Variants in ELAVL2 observed in about 807,000 individuals in gnomAD.
ELAVL2 encodes ELAV-like protein 2.
Under a neutral mutation model 34.6 loss-of-function variants are expected in ELAVL2, and 4 were observed. That is an observed-to-expected ratio of 0.12 (90% CI 0.06 to 0.26). The LOEUF is 0.26. ELAVL2 is among the 10% of genes least tolerant of loss of function. The pLI, the probability that ELAVL2 is intolerant of heterozygous loss-of-function variation, is 1.00. For synonymous variants in ELAVL2, 193 were observed against 154.8 expected (o/e 1.25, Z -1.83); for missense variants, 432 against 442.8 (o/e 0.98, Z 0.22).
the ELAVL2 span, among the ~76,000 whole-genome samples, chr9:23,839,997 T>C: frequency 6.6e-6 from 1 of 152,128 alleles, no homozygotes; most frequent in East Asian, 1.9e-4. Flanking sequence ...ACATTTTCAA[T>C]CTGTATATTA....
the ELAVL2 span, chr9:23,847,150 T>C: frequency 6.6e-6 from 1 of 152,166 alleles, no homozygotes; most frequent in African/African-American, 2.4e-5. Context: ...AGATTTTAGA[T>C]TGTATATTTG....
intron 5 of ELAVL2, among the ~76,000 whole-genome samples, chr9:23,699,453 C>T (rs73468790): frequency 5.5e-4 from 83 of 152,234 alleles, no homozygotes; most frequent in African/African-American, 1.8e-3. Context: ...CCACTAACAG[C>T]AAACATTTTA....
chr9:23,762,945 T>C (rs574679135), intron 1 of ELAVL2, among the ~76,000 whole-genome samples: 5 of 152,202 alleles, frequency 3.3e-5, no homozygotes, highest in African/African-American at 7.2e-5. Context: ...TGGTAGAATC[T>C]AATAGGACAC....
chr9:23,837,646 A>G, the ELAVL2 span, among the ~76,000 whole-genome samples: 4 of 152,168 alleles, frequency 2.6e-5, no homozygotes, highest in African/African-American at 9.7e-5. Context: ...CTTAGCCACT[A>G]TTTATTGGAG....
intron 2 of ELAVL2, among the ~76,000 whole-genome samples, chr9:23,743,805 T>C (rs2049860635): frequency 2.0e-5 from 3 of 152,212 alleles, no homozygotes; most frequent in African/African-American, 7.2e-5. Flanking sequence ...TTTAATGTGA[T>C]GCTTTCTTTA....
At chr9:23,728,362 AG>A (rs1287742656) in intron 3 of ELAVL2, among the ~76,000 whole-genome samples, 1 of 152,122 alleles carries the variant, frequency 6.6e-6, no homozygotes, top group East Asian at 1.9e-4. Flanking sequence ...TGAGTGTGAA[AG>A]GGTATACCAA....
intron 3 of ELAVL2, among the ~76,000 whole-genome samples, chr9:23,706,583 A>T (rs1421271401): frequency 6.6e-6 from 1 of 152,186 alleles, no homozygotes; most frequent in African/African-American, 2.4e-5. Flanking sequence ...AATATTCTGG[A>T]CTAGCCTACT....
intron 1 of ELAVL2, among the ~76,000 whole-genome samples, chr9:23,774,196 T>G (rs1226264751): frequency 9.1e-6 from 1 of 109,358 alleles, no homozygotes; most frequent in African/African-American, 3.7e-5. Flanking sequence ...TGGGCAAAAG[T>G]GCGAGAGACT....
chr9:23,726,718 ATT>A (rs2045277111), intron 3 of ELAVL2, among the ~76,000 whole-genome samples: 1 of 152,134 alleles, frequency 6.6e-6, no homozygotes, highest in Non-Finnish European at 1.5e-5. Flanking sequence ...GAAATGAATG[ATT>A]TTAGTTTGCT....
At chr9:23,704,858 T>C in intron 4 of ELAVL2, 60 bp downstream of exon 4, 3 of 1,593,676 alleles carry the variant, frequency 1.9e-6, no homozygotes, top group Non-Finnish European at 2.6e-6. Flanking sequence ...AAAGACAGAA[T>C]ATTTCACAAT....
chr9:23,710,756 G>A (rs1019109000), intron 3 of ELAVL2, among the ~76,000 whole-genome samples: 10 of 152,066 alleles, frequency 6.6e-5, no homozygotes, highest in African/African-American at 2.4e-4. Context: ...AGTCTTCGTG[G>A]GACTATCTGA....
intron 2 of ELAVL2, among the ~76,000 whole-genome samples, chr9:23,736,485 A>AG (rs1345836923): frequency 6.6e-6 from 1 of 152,126 alleles, no homozygotes; most frequent in Non-Finnish European, 1.5e-5. Context: ...GAGAGTGGGG[A>AG]GGGGAGGAGC....
intron 1 of ELAVL2, among the ~76,000 whole-genome samples, chr9:23,788,780 C>G (rs1014971712): frequency 6.6e-6 from 1 of 152,140 alleles, no homozygotes; most frequent in Non-Finnish European, 1.5e-5. Flanking sequence ...AATCTTATAA[C>G]TGAGATGGCT....
intron 5 of ELAVL2, among the ~76,000 whole-genome samples, chr9:23,700,709 G>A (rs2036884757): frequency 1.3e-5 from 2 of 152,262 alleles, no homozygotes; most frequent in South Asian, 4.1e-4. Flanking sequence ...ACTGTACAGA[G>A]AAAGTCTGCC....
At chr9:23,742,312 CA>C (rs927431075) in intron 2 of ELAVL2, among the ~76,000 whole-genome samples, 4 of 152,278 alleles carry the variant, frequency 2.6e-5, no homozygotes, top group Admixed American at 6.5e-5. Flanking sequence ...TATGAGTGGA[CA>C]AAGTGTTAAT....
At chr9:23,780,650 C>T (rs1189759891) in intron 1 of ELAVL2, among the ~76,000 whole-genome samples, 4 of 152,128 alleles carry the variant, frequency 2.6e-5, no homozygotes, top group Non-Finnish European at 5.9e-5. Flanking sequence ...TTGGTCTAAA[C>T]TCAAATCAAA....
intron 1 of ELAVL2, among the ~76,000 whole-genome samples, chr9:23,781,785 C>G (rs574628315): frequency 6.5e-4 from 99 of 152,194 alleles, no homozygotes; most frequent in African/African-American, 2.4e-3. Flanking sequence ...ACTCTGCCTC[C>G]CGGGTTCACA....
intron 1 of ELAVL2, among the ~76,000 whole-genome samples, chr9:23,778,100 G>C (rs1164841582): frequency 6.6e-6 from 1 of 152,176 alleles, no homozygotes; most frequent in Non-Finnish European, 1.5e-5. Context: ...GGAGTCAAAA[G>C]TCTACTTAAA....
intron 3 of ELAVL2, among the ~76,000 whole-genome samples, chr9:23,707,357 C>G (rs908670264): frequency 6.6e-6 from 1 of 152,186 alleles, no homozygotes; most frequent in Non-Finnish European, 1.5e-5. Context: ...CCAGCTGGGA[C>G]GTGCATCCCT....
Sources: gnomAD v4.1 joint callset for allele counts (sites outside exome capture counted in the v4.1 genomes callset) on GRCh38, gnomAD v4.1.1 for gene constraint, MANE v1.5 for transcripts, NCBI Gene and HGNC (gene_info 2026-07-23, HGNC 2026-07-21) for gene names.